The following NT5DC2 variants were observed in gnomAD, a reference collection of about 807,000 sequenced individuals.
NT5DC2 encodes 5'-nucleotidase domain-containing protein 2.
Under a neutral mutation model 70.0 loss-of-function variants are expected in NT5DC2, and 41 were observed. The ratio of observed to expected loss-of-function variants is 0.59; its 90% CI spans 0.46 to 0.76. The LOEUF is 0.76. NT5DC2 is among the 30% of genes least tolerant of loss of function. The pLI is 0.00. For missense variants in NT5DC2, 705 were observed against 783.2 expected (o/e 0.90, Z 1.19); for synonymous variants, 299 against 310.4 (o/e 0.96, Z 0.39).
intron 10 of NT5DC2, 26 bp from the exon 11 acceptor site, chr3:52,525,321 G>A (rs2079242126): frequency 6.3e-7 from 1 of 1,582,246 alleles, no homozygotes; most frequent in Non-Finnish European, 8.7e-7. Context: ...GAATGCTGCT[G>A]AGCCAAGTGT....
Position 52,525,009 on chromosome 3 carries a change from G to A in NT5DC2, c.1301C>T (p.Ser434Leu), listed in dbSNP as rs144563257. 208 of 1,610,558 alleles carry A rather than the reference G, an allele frequency of 1.3e-4. No homozygotes were observed. The highest frequency in any genetic ancestry group is 6.6e-4 in the Middle Eastern group (4 of 6,056). Residue 434 changes from serine (S) to leucine (L), a missense_variant, in exon 12 of 14, where the codon TCG becomes TTG. Physicochemically the swap from Ser to Leu is moderately radical, Grantham distance 145. Transcript: ENST00000422318. ...RIINTEQYMH[S>L]LTWQQALTGL... ...CGTGAGCGCCTGCTGCCACGTCAGC[G>A]AGTGCATGTACTGCTCCGTGTTGAT...
upstream of NT5DC2, chr3:52,534,454 C>G (rs1412036079): frequency 6.2e-7 from 1 of 1,607,346 alleles, no homozygotes; most frequent in Non-Finnish European, 8.5e-7. Flanking sequence ...AACCAGGTGA[C>G]TGGGCCGTGC....
At chr3:52,527,958 G>A (rs759546240) in intron 7 of NT5DC2, 27 bp from the exon 8 acceptor site, 2 of 1,613,364 alleles carry the variant, frequency 1.2e-6, no homozygotes, top group Non-Finnish European at 1.7e-6. Context: ...GTCTGTGAGG[G>A]TCAGTCCTGC....
chr3:52,533,246 C>A (rs1301860734), intron 1 of NT5DC2, among the ~76,000 whole-genome samples: 4 of 152,184 alleles, frequency 2.6e-5, no homozygotes, highest in Admixed American at 2.6e-4. Context: ...AGCACTCCGG[C>A]AGCCGCTCGA....
At chr3:52,530,176 C>T (rs1053004998) in intron 1 of NT5DC2, among the ~76,000 whole-genome samples, 3 of 152,204 alleles carry the variant, frequency 2.0e-5, no homozygotes, top group African/African-American at 2.4e-5. Context: ...ACAGTCAGGA[C>T]GTGATGTCAG....
At position 52,525,274 on chromosome 3, in the gene NT5DC2, G is replaced by C. The variant is rs750636981; in HGVS notation, c.1141C>G (p.Arg381Gly). ...CGGGGGCCACGCCATTCCGTCAAGC[G>C]TAAGAAGTCAAACAGGTTTCCCTAG... ...YRQGNLFDFL[R>G]LTEWRGPRVL... Residue 381 changes from arginine to glycine, a missense_variant, in exon 11 of 14, where the codon CGC (arginine) becomes GGC (glycine). Physicochemically the swap from Arg to Gly is moderately radical, Grantham distance 125. Transcript: ENST00000422318. The C allele has an allele frequency of 5.0e-6, 8 of 1,612,802 alleles. No homozygotes were observed. Among genetic ancestry groups the C allele is most frequent in the Middle Eastern group, 1.6e-4 (1 of 6,062 alleles).
intron 1 of NT5DC2, 132 bp downstream of exon 1, chr3:52,533,374 C>T (rs1019826826): frequency 6.0e-6 from 6 of 993,834 alleles, no homozygotes; most frequent in African/African-American, 5.2e-5. Flanking sequence ...AAAAGCCGCC[C>T]GGCCCTTGCG....
Position 52,533,604 on chromosome 3 carries a change from C to A in NT5DC2, c.134G>T (p.Gly45Val), listed in dbSNP as rs1392637155. The change falls in exon 1 of 14, where the codon GGC becomes GTC. Residue 45 changes from glycine to valine, a missense_variant. Physicochemically the swap from Gly to Val is moderately radical, Grantham distance 109. Coordinates refer to ENST00000422318, the MANE Select transcript of NT5DC2 (RefSeq NM_001134231.2). ...GPPGPGAHCP[G>V]VPRSAPAQAP... is the part of the protein sequence containing the mutation. ...CTGGGCGGGCGCGGAGCGCGGGACG[C>A]CGGGGCAGTGGGCGCCGGGACCCGG... 8.0e-7 allele frequency: 1 copy of A among 1,251,190 alleles called. No homozygotes were observed. Among genetic ancestry groups the A allele is most frequent in the Non-Finnish European group, 1.0e-6 (1 of 998,804 alleles). The allele number at this position is 1,251,190 out of a possible 1,614,324, so 77.5% of individuals were successfully genotyped here.
intron 10 of NT5DC2, 167 bp from the exon 11 acceptor site, chr3:52,525,462 A>G (rs535535918): frequency 6.8e-5 from 42 of 615,734 alleles, no homozygotes; most frequent in Admixed American, 5.7e-4. Flanking sequence ...TTCCCCTCCT[A>G]CTTGGGAAGG....
At chr3:52,534,767 C>T, upstream of NT5DC2, 3 of 1,430,852 alleles carry the variant, frequency 2.1e-6, no homozygotes, top group East Asian at 4.6e-5. Flanking sequence ...CAGCTGGGCG[C>T]GCGTTGTTTT....
chr3:52,534,280 G>A (rs923877770), upstream of NT5DC2: 3 of 587,144 alleles, frequency 5.1e-6, no homozygotes, highest in African/African-American at 3.7e-5. Context: ...CTCCTTTCCC[G>A]GGGTCCTGGT....
rs773932077 is a variant in NT5DC2 at position 52,527,381 on chromosome 3, GTGCAGGTAAAGGGCATGACT to G, written c.1038-26_1038-7del. Reference sequence around the variant, plus strand: ...CATCGAGTTTTCTGAAAGGCCTGGGGTGCAGGTAAAGGGCATGACTTCCAGTCTGTGGCTGGGCCACGGGC... The same window carrying G: ...CATCGAGTTTTCTGAAAGGCCTGGGGTCCAGTCTGTGGCTGGGCCACGGGC... On this transcript the variant is annotated splice_region_variant and splice_polypyrimidine_tract_variant and intron_variant, in intron 9 of 13. Transcript: ENST00000422318. The G allele has an allele frequency of 3.1e-6, 5 of 1,614,026 alleles. No individual in the cohort carries two copies. In the Admixed American group the frequency reaches 8.3e-5, roughly 27 times the overall value.
At position 52,529,559 on chromosome 3, in the gene NT5DC2, C is replaced by T. The variant is rs2153239583; in HGVS notation, c.233-225G>A. On this transcript the variant is annotated intron_variant, in intron 1 of 13. Transcript: ENST00000422318. This position sits in a 1 kb window ranked among gnomAD's most constrained non-coding sequence, Gnocchi z 4.1. The stretch of plus-strand genomic sequence containing the variant: ...AGAGCCCCTGGCTGGAGCTCCTCCT[C>T]ATGGTTACACCTGCCTACATTACAC... Among the ~76,000 whole-genome samples, 1 of 152,190 alleles carries T rather than the reference C, an allele frequency of 6.6e-6. No homozygotes were observed. The highest frequency in any genetic ancestry group is 2.4e-5 in the African/African-American group (1 of 41,498).
rs1207055319 is a variant in NT5DC2, at chr3:52,528,008, C to T, written c.832+5G>A. ...GGCCACGGCAGGGCTTCTGTCCACA[C>T]TTACCCATGTCCTGCTCGATCCACT... On this transcript the variant is annotated splice_donor_5th_base_variant and intron_variant, in intron 7 of 13. Coordinates refer to ENST00000422318, the MANE Select transcript of NT5DC2 (RefSeq NM_001134231.2). 1 of 1,612,636 alleles carries T rather than the reference C, an allele frequency of 6.2e-7. No individual in the cohort carries two copies. Among genetic ancestry groups the T allele is most frequent in the Non-Finnish European group, 8.5e-7 (1 of 1,179,686 alleles).
At position 52,527,608 on chromosome 3, in the gene NT5DC2, T is replaced by A. The variant is rs2079296598; in HGVS notation, c.1037+9A>T. ...TTCCCTGGCCCTGCAACCCCCACCA[T>A]GCCCATACTTGCGCCGGTCAGTGAA... On this transcript the variant is annotated intron_variant, in intron 9 of 13. Transcript: ENST00000422318. 3 of 1,612,112 alleles carry A rather than the reference T, an allele frequency of 1.9e-6. No individual in the cohort carries two copies. The highest frequency in any genetic ancestry group is 2.7e-5 in the African/African-American group (2 of 74,870).
In NT5DC2 at chr3:52,524,589, C is replaced by T; in HGVS notation, c.1555G>A (p.Asp519Asn). The T allele has an allele frequency of 6.2e-7, 1 of 1,613,178 alleles. No individual in the cohort carries two copies. The highest frequency in any genetic ancestry group is 1.7e-5 in the Admixed American group (1 of 60,016). ...GTACGGCGTGGGTAGAAGGTGAAGT[C>T]CACGCGGTAGTTGAGCAGGCAGCTG... ...SLSCLLNYRV[D>N]FTFYPRRTPL... Residue 519 changes from aspartate to asparagine, a missense_variant, in exon 14 of 14, where the codon GAC becomes AAC. Coordinates refer to ENST00000422318, the MANE Select transcript of NT5DC2 (RefSeq NM_001134231.2).
At chr3:52,525,493 AGGTGCCCTACAGGCCTGGCAT>A (rs905501025) in intron 10 of NT5DC2, 198 bp from the exon 11 acceptor site, 2 of 601,900 alleles carry the variant, frequency 3.3e-6, no homozygotes, top group Non-Finnish European at 6.1e-6. Context: ...TGCTGCAGGA[AGGTGCCCTACAGGCCTGGCAT>A]GGTGCCCATG....
At chr3:52,533,454 A>C (rs1310297863) in intron 1 of NT5DC2, 52 bp downstream of exon 1, 6 of 1,467,390 alleles carry the variant, frequency 4.1e-6, no homozygotes, top group African/African-American at 3.0e-5. Flanking sequence ...CGGTCCGTCC[A>C]TCAGTCCACG....
At chr3:52,534,652 A>AT (rs752764568), upstream of NT5DC2, 1 of 1,611,672 alleles carries the variant, frequency 6.2e-7, no homozygotes, top group Non-Finnish European at 8.5e-7. Flanking sequence ...CTCCACTCGC[A>AT]TTTCTTCTGC....
Sources: allele counts gnomAD v4.1 joint callset (sites outside exome capture counted in the v4.1 genomes callset), GRCh38; gene constraint gnomAD v4.1.1; non-coding constraint Gnocchi (gnomAD v3.1); transcripts MANE v1.5; gene names NCBI Gene and HGNC (gene_info 2026-07-23, HGNC 2026-07-21).